Variants in PTPRD observed in about 807,000 individuals in gnomAD.
The protein encoded by PTPRD is protein tyrosine phosphatase receptor type D.
Under a neutral mutation model 214.5 loss-of-function variants are expected in PTPRD, and 34 were observed. That is an observed-to-expected ratio of 0.16 (90% CI 0.12 to 0.21). PTPRD has a LOEUF of 0.21. Among genes scored for constraint, PTPRD ranks in the 10% least tolerant of loss-of-function variants. PTPRD has a pLI of 1.00. For synonymous variants in PTPRD, 1,128 were observed against 845.7 expected, an observed-to-expected ratio of 1.33 and a Z score of -5.79; for missense variants, 2,545 against 2,398.7, an observed-to-expected ratio of 1.06 and a Z score of -1.27.
At chr9:8,598,937 G>T (rs570666224) in intron 14 of PTPRD, among the ~76,000 whole-genome samples, 3 of 152,142 alleles carry the variant, frequency 2.0e-5, no homozygotes, top group Non-Finnish European at 2.9e-5. Flanking sequence ...AGGAGACAAA[G>T]GTTGAACTTT....
intron 10 of PTPRD, among the ~76,000 whole-genome samples, chr9:9,139,310 C>T (rs555405608): frequency 2.6e-4 from 39 of 152,158 alleles, no homozygotes; most frequent in African/African-American, 8.9e-4. Flanking sequence ...AAAATTGTTT[C>T]TTTATAATGT....
intron 43 of PTPRD, among the ~76,000 whole-genome samples, chr9:8,332,655 T>A (rs1292842500): frequency 2.0e-5 from 2 of 100,526 alleles, no homozygotes; most frequent in East Asian, 4.2e-4. Flanking sequence ...GCATTTCTGA[T>A]CTTCTGATCC....
intron 44 of PTPRD, among the ~76,000 whole-genome samples, chr9:8,326,134 C>A (rs568403145): frequency 1.4e-4 from 22 of 152,308 alleles, no homozygotes; most frequent in African/African-American, 5.1e-4. Context: ...GAGAGGGCAT[C>A]CCTCTCTTGT....
intron 14 of PTPRD, among the ~76,000 whole-genome samples, chr9:8,627,789 C>T (rs1428224262): frequency 6.6e-6 from 1 of 151,864 alleles, no homozygotes; most frequent in African/African-American, 2.4e-5. Context: ...AGACTATCCA[C>T]ATGGGCTTCT....
At chr9:8,719,821 A>T (rs1238239766) in intron 12 of PTPRD, among the ~76,000 whole-genome samples, 2 of 152,092 alleles carry the variant, frequency 1.3e-5, no homozygotes, top group Non-Finnish European at 2.9e-5. Flanking sequence ...GCTTTAGCTA[A>T]TGTATATCAA....
At chr9:10,360,846 T>C (rs553694612) in intron 2 of PTPRD, among the ~76,000 whole-genome samples, 29 of 152,302 alleles carry the variant, frequency 1.9e-4, no homozygotes, top group Admixed American at 7.2e-4. Context: ...CTCACGCCTG[T>C]AATCCCAGCA....
chr9:9,196,688 C>T (rs1008610221), intron 9 of PTPRD, among the ~76,000 whole-genome samples: 2 of 152,160 alleles, frequency 1.3e-5, no homozygotes, highest in African/African-American at 2.4e-5. Context: ...GCATGCAAAA[C>T]ATCTAGCATA....
chr9:8,462,846 A>G (rs1023186707), intron 32 of PTPRD, among the ~76,000 whole-genome samples: 2 of 151,934 alleles, frequency 1.3e-5, no homozygotes, highest in African/African-American at 4.8e-5. Context: ...TTTTATTTGT[A>G]TATATACTTC....
intron 5 of PTPRD, among the ~76,000 whole-genome samples, chr9:9,892,455 G>A (rs2073680353): frequency 6.6e-6 from 1 of 152,098 alleles, no homozygotes; most frequent in Non-Finnish European, 1.5e-5. Flanking sequence ...GGCACAGTGA[G>A]CCAGACGGAA....
intron 14 of PTPRD, among the ~76,000 whole-genome samples, chr9:8,599,743 G>C (rs1007251323): frequency 6.7e-6 from 1 of 149,742 alleles, no homozygotes; most frequent in African/African-American, 2.5e-5. Flanking sequence ...CAGCCTCCTT[G>C]AGTAGCTGGG....
chr9:10,228,370 G>C (rs995958850), intron 3 of PTPRD, among the ~76,000 whole-genome samples: 2 of 151,938 alleles, frequency 1.3e-5, no homozygotes, highest in African/African-American at 4.8e-5. Context: ...ACATCCACAG[G>C]ATATTTCTGT....
intron 2 of PTPRD, among the ~76,000 whole-genome samples, chr9:10,517,868 T>A (rs2134056099): frequency 6.6e-6 from 1 of 152,302 alleles, no homozygotes; most frequent in South Asian, 2.1e-4. Flanking sequence ...TTAAAGAATC[T>A]GTATAAGTCA....
intron 8 of PTPRD, among the ~76,000 whole-genome samples, chr9:9,428,511 A>G (rs1004743576): frequency 6.6e-6 from 1 of 152,182 alleles, no homozygotes; most frequent in African/African-American, 2.4e-5. Flanking sequence ...GAAAGTTAAG[A>G]AGGATATCCA....
intron 5 of PTPRD, among the ~76,000 whole-genome samples, chr9:9,872,239 A>G (rs1292517369): frequency 6.6e-6 from 1 of 152,162 alleles, no homozygotes; most frequent in Non-Finnish European, 1.5e-5. Flanking sequence ...CAGCTTGCAA[A>G]TTGAATTCCA....
rs139562163 is a variant in PTPRD at position 8,458,992 on chromosome 9, C to T, written c.3875+1419G>A. On this transcript the variant is annotated intron_variant, in intron 33 of 45. Transcript: ENST00000381196. ...ACTTCTTTCATTTGTCCTTTATTTTCTCAACCCTCTCTTAATGCTGGAATA... is the reference window on the plus strand; with the variant it reads ...ACTTCTTTCATTTGTCCTTTATTTTTTCAACCCTCTCTTAATGCTGGAATA... Among the ~76,000 whole-genome samples, 312 of 152,088 alleles carry T rather than the reference C, an allele frequency of 2.1e-3. 3 individuals are homozygous for T. The Middle Eastern group carries it at 0.041, about 20-fold the overall frequency.
chr9:8,460,112 G>A (rs1430474669), intron 33 of PTPRD, among the ~76,000 whole-genome samples: 3 of 152,108 alleles, frequency 2.0e-5, no homozygotes, highest in Admixed American at 2.0e-4. Context: ...GCTTGTGAAT[G>A]CACTAATGCC....
At chr9:10,297,349 A>G (rs1049277793) in intron 3 of PTPRD, among the ~76,000 whole-genome samples, 3 of 151,852 alleles carry the variant, frequency 2.0e-5, no homozygotes, top group Non-Finnish European at 4.4e-5. Flanking sequence ...TTGTCCTTCA[A>G]TTTTGTATAT....
At chr9:9,947,587 TA>T (rs2092932326) in intron 4 of PTPRD, among the ~76,000 whole-genome samples, 4 of 49,762 alleles carry the variant, frequency 8.0e-5, no homozygotes, top group East Asian at 5.0e-4. Context: ...ATATATATAT[TA>T]TATATATAAT....
intron 9 of PTPRD, among the ~76,000 whole-genome samples, chr9:9,286,104 T>C (rs768265449): frequency 2.6e-5 from 4 of 151,822 alleles, no homozygotes; most frequent in Non-Finnish European, 5.9e-5. Flanking sequence ...GTAAATTCTT[T>C]TGTGACAACC....
Sources: gnomAD v4.1 joint callset for allele counts (sites outside exome capture counted in the v4.1 genomes callset) on GRCh38, gnomAD v4.1.1 for gene constraint, MANE v1.5 for transcripts, NCBI Gene and HGNC (gene_info 2026-07-23, HGNC 2026-07-21) for gene names.